ASB18: variants seen among roughly 807,000 people sequenced by gnomAD.
ASB18 encodes ankyrin repeat and SOCS box containing 18, also known as ankyrin repeat and SOCS box protein 18.
Under a neutral mutation model 33.4 loss-of-function variants are expected in ASB18, and 33 were observed. That is an observed-to-expected ratio of 0.99 (90% CI 0.75 to 1.32). The LOEUF (loss-of-function observed/expected upper bound fraction) is 1.32, where lower values mean the gene tolerates loss of function less well. ASB18 is among the 40% of genes most tolerant of loss of function. The probability of loss-of-function intolerance (pLI) is 0.00; values close to 1 mark genes in which losing one functional copy is unlikely to be tolerated. For missense variants in ASB18, 694 were observed against 655.5 expected (o/e 1.06, Z -0.64); for synonymous variants, 295 against 307.6 (o/e 0.96, Z 0.43).
Position 236,264,308 on chromosome 2 carries a change from T to G in ASB18, c.38A>C (p.Asn13Thr). The change falls in exon 1 of 6, where the codon AAC becomes ACC. Residue 13 changes from asparagine to threonine, a missense_variant. Asn to Thr is a moderately conservative substitution (Grantham distance 65). Transcript: ENST00000409749. This position sits in a 1 kb window ranked among gnomAD's most constrained non-coding sequence, Gnocchi z 5.1. ...CTTTAATCTCTTCACTAAATCTGAG[T>G]TGAGTGGGTAGTCGGGAAGGTAATC... ...NSDYLPDYPLNSDLVKRLKSA... is the reference protein window; with the variant it reads ...NSDYLPDYPLTSDLVKRLKSA... The G allele has an allele frequency of 6.2e-7, 1 of 1,613,960 alleles. No individual in the cohort carries two copies. Among genetic ancestry groups the G allele is most frequent in the Non-Finnish European group, 8.5e-7 (1 of 1,179,878 alleles).
In ASB18 at chr2:236,241,657, C is replaced by T. The variant is rs576759326; in HGVS notation, c.206-255G>A. On this transcript the variant is annotated intron_variant, in intron 1 of 5. Transcript: ENST00000409749. This position sits in a 1 kb window ranked among gnomAD's most constrained non-coding sequence, Gnocchi z 4.2. ...GTGGTATATTTATAACTCCTGTGGGCTCCGATGTGATAATGGTTACTTGAT... is the reference window on the plus strand; with the variant it reads ...GTGGTATATTTATAACTCCTGTGGGTTCCGATGTGATAATGGTTACTTGAT... 1.6e-6 allele frequency: 1 copy of T among 617,844 alleles called. No homozygotes were observed. The highest frequency in any genetic ancestry group is 2.7e-5 in the East Asian group (1 of 36,634). 38.3% of individuals were successfully genotyped at this position (617,844 alleles called of 1,614,324 possible).
chr2:236,200,123 G>T lies in ASB18; in HGVS notation c.1102-3738C>A, dbSNP rs2060393291. Among the ~76,000 whole-genome samples the T allele has an allele frequency of 6.6e-6, 1 of 152,120 alleles. No homozygotes were observed. The highest frequency in any genetic ancestry group is 1.5e-5 in the Non-Finnish European group (1 of 68,036). ...GCATTTTGGGAGGCCGAGGTGGGTGGATCACCTGAGGTCAGGAGTTCGATA... is the reference window on the plus strand; with the variant it reads ...GCATTTTGGGAGGCCGAGGTGGGTGTATCACCTGAGGTCAGGAGTTCGATA... On this transcript the variant is annotated intron_variant, in intron 4 of 5. Coordinates refer to ENST00000409749, the MANE Select transcript of ASB18 (RefSeq NM_212556.4). The surrounding 1 kb of genome is among the most constrained non-coding windows in gnomAD (Gnocchi z 4.2).
At position 236,223,476 on chromosome 2, in the gene ASB18, G is replaced by A. The variant is rs1048852008; in HGVS notation, c.597-8610C>T. Among the ~76,000 whole-genome samples, 11 of 152,162 alleles carry A rather than the reference G, an allele frequency of 7.2e-5. No individual in the cohort carries two copies. Among genetic ancestry groups the A allele is most frequent in the Admixed American group, 1.3e-4 (2 of 15,278 alleles). Reference sequence around the variant, plus strand: ...TCTTAGACAGGGATAGGGGTGAGGTGGGGGGAGCTTTAAACTGGATGAGAG... The same window carrying A: ...TCTTAGACAGGGATAGGGGTGAGGTAGGGGGAGCTTTAAACTGGATGAGAG... On this transcript the variant is annotated intron_variant, in intron 3 of 5. Transcript: ENST00000409749. The surrounding 1 kb of genome is among the most constrained non-coding windows in gnomAD (Gnocchi z 4.6).
intron 4 of ASB18, among the ~76,000 whole-genome samples, chr2:236,199,075 A>ATGTAATT (rs948165486): frequency 6.6e-6 from 1 of 152,170 alleles, no homozygotes; most frequent in African/African-American, 2.4e-5. Context: ...AAAGTTTAAG[A>ATGTAATT]TGTAATTTCA....
In ASB18 at chr2:236,238,093, T is replaced by A; in HGVS notation, c.329-137A>T. 1 of 621,584 alleles carries A rather than the reference T, an allele frequency of 1.6e-6. No homozygotes were observed. The highest frequency in any genetic ancestry group is 2.4e-6 in the Non-Finnish European group (1 of 408,362). The allele number at this position is 621,584 out of a possible 1,614,324, so 38.5% of individuals were successfully genotyped here. A position where few individuals can be genotyped will look rare whatever the true frequency, so the allele number is the denominator to read the frequency against. ...AGGTAGGCATGTAGGGAGAAGAGGATAGAATCAGAGACGCACACAGAGACA... is the reference window on the plus strand; with the variant it reads ...AGGTAGGCATGTAGGGAGAAGAGGAAAGAATCAGAGACGCACACAGAGACA... On this transcript the variant is annotated intron_variant, in intron 2 of 5. Coordinates refer to ENST00000409749, the MANE Select transcript of ASB18 (RefSeq NM_212556.4). This position sits in a 1 kb window ranked among gnomAD's most constrained non-coding sequence, Gnocchi z 5.2.
chr2:236,216,981 C>T lies in ASB18; in HGVS notation c.597-2115G>A, dbSNP rs1288421770. Among the ~76,000 whole-genome samples the T allele has an allele frequency of 2.6e-5, 4 of 152,190 alleles. No individual in the cohort carries two copies. Among genetic ancestry groups the T allele is most frequent in the Non-Finnish European group, 2.9e-5 (2 of 68,034 alleles). On this transcript the variant is annotated intron_variant, in intron 3 of 5. Transcript: ENST00000409749. This position sits in a 1 kb window ranked among gnomAD's most constrained non-coding sequence, Gnocchi z 6.1. ...GCTCCTTCCAGGTTGCCCCGCTGCA[C>T]GTGATGGCCCACACAGTCCCATCTT...
At chr2:236,233,012 C>G (rs886203974) in intron 3 of ASB18, among the ~76,000 whole-genome samples, 3 of 152,038 alleles carry the variant, frequency 2.0e-5, no homozygotes, top group African/African-American at 7.2e-5. Context: ...AGACCAATAT[C>G]TTTCATTAAC....
Position 236,264,388 on chromosome 2 carries a change from C to A in ASB18, c.-43G>T. 1 of 1,545,754 alleles carries A rather than the reference C, an allele frequency of 6.5e-7. No individual in the cohort carries two copies. Among genetic ancestry groups the A allele is most frequent in the Non-Finnish European group, 8.9e-7 (1 of 1,118,924 alleles). ...AGTGACCAGCCCTTCTTTTCTTCCT[C>A]TAAAGCGACTCCAAAGTCAGCAGCT... is the stretch of plus-strand genomic sequence containing the variant. On this transcript the variant is annotated 5_prime_UTR_variant, in exon 1 of 6. Coordinates refer to ENST00000409749, the MANE Select transcript of ASB18 (RefSeq NM_212556.4). The surrounding 1 kb of genome is among the most constrained non-coding windows in gnomAD (Gnocchi z 5.1).
intron 4 of ASB18, among the ~76,000 whole-genome samples, chr2:236,207,787 G>T (rs1420260358): frequency 6.6e-6 from 1 of 151,536 alleles, no homozygotes; most frequent in Non-Finnish European, 1.5e-5. Context: ...ACTTTACTGT[G>T]GCTTCACAGG....
In ASB18 at chr2:236,214,971, A is replaced by G. The variant is rs557315937; in HGVS notation, c.597-105T>C. 8.2e-4 allele frequency: 734 copies of G among 898,886 alleles called. No homozygotes were observed. In the Middle Eastern group the frequency reaches 8.4e-3, roughly 10 times the overall value. The allele number at this position is 898,886 out of a possible 1,614,324, so 55.7% of individuals were successfully genotyped here. ...TATCAAGTGACCTCTGAATGAAAAG[A>G]CATGCTCCGCTCTCCCATACCAAGG... On this transcript the variant is annotated intron_variant, in intron 3 of 5. Coordinates refer to ENST00000409749, the MANE Select transcript of ASB18 (RefSeq NM_212556.4). This position sits in a 1 kb window ranked among gnomAD's most constrained non-coding sequence, Gnocchi z 6.5.
Position 236,257,572 on chromosome 2 carries a change from G to A in ASB18, c.205+6569C>T, listed in dbSNP as rs60803213. Among the ~76,000 whole-genome samples, 838 of 152,296 alleles carry A rather than the reference G, an allele frequency of 5.5e-3. 5 individuals carry two copies. The highest frequency in any genetic ancestry group is 0.019 in the African/African-American group (782 of 41,556). On this transcript the variant is annotated intron_variant, in intron 1 of 5. Coordinates refer to ENST00000409749, the MANE Select transcript of ASB18 (RefSeq NM_212556.4). This position sits in a 1 kb window ranked among gnomAD's most constrained non-coding sequence, Gnocchi z 5.5. ...TGCGTGTGTACATATGCATATGTAT[G>A]CTTCATGTCAGATTAAAGGGTTGTA...
rs2106265245 is a variant in ASB18 at position 236,205,962 on chromosome 2, TG to T, written c.1101+8399del. Among the ~76,000 whole-genome samples, 1 of 152,346 alleles carries T rather than the reference TG, an allele frequency of 6.6e-6. No individual in the cohort carries two copies. Among genetic ancestry groups the T allele is most frequent in the African/African-American group, 2.4e-5 (1 of 41,590 alleles). On this transcript the variant is annotated intron_variant, in intron 4 of 5. Coordinates refer to ENST00000409749, the MANE Select transcript of ASB18 (RefSeq NM_212556.4). The surrounding 1 kb of genome is among the most constrained non-coding windows in gnomAD (Gnocchi z 5.4). Reference sequence around the variant, plus strand: ...TTTCCATGTCTTTTTAGAACATTTTTGTTAGAATGTATATAGGTATGTGCCT... The same window carrying T: ...TTTCCATGTCTTTTTAGAACATTTTTTTAGAATGTATATAGGTATGTGCCT...
intron 4 of ASB18, among the ~76,000 whole-genome samples, chr2:236,202,777 C>CAAAAAAAAAAAAAA (rs34973734): frequency 1.0e-4 from 7 of 68,728 alleles, no homozygotes; most frequent in African/African-American, 2.8e-4. Context: ...GACTCCGTCT[C>CAAAAAAAAAAAAAA]AAAAAAAAAA....
In ASB18 at chr2:236,196,354, A is replaced by G; in HGVS notation, c.1133T>C (p.Val378Ala). 1 of 1,567,398 alleles carries G rather than the reference A, an allele frequency of 6.4e-7. No individual in the cohort carries two copies. The highest frequency in any genetic ancestry group is 8.7e-7 in the Non-Finnish European group (1 of 1,155,546). Residue 378 changes from valine (V) to alanine (A), a missense_variant, in exon 5 of 6, where the codon GTC becomes GCC. Coordinates refer to ENST00000409749, the MANE Select transcript of ASB18 (RefSeq NM_212556.4). The surrounding 1 kb of genome is among the most constrained non-coding windows in gnomAD (Gnocchi z 5.6). ...VLKTCASVPA[V>A]IEVLFNSYPQ... ...GTAGGAGTTGAAAAGCACCTCGATG[A>G]CTGCGGGGACAGATGCACAGGTCTT...
chr2:236,250,870 TC>T lies in ASB18; in HGVS notation c.206-9469del, dbSNP rs1343626768. The T allele has an allele frequency of 2.0e-5, 3 of 152,220 alleles. No homozygotes were observed. The East Asian group carries it at 5.8e-4, about 29-fold the overall frequency. The allele number at this position is 152,220 out of a possible 1,614,324, so 9.4% of individuals were successfully genotyped here. On this transcript the variant is annotated intron_variant, in intron 1 of 5. Transcript: ENST00000409749. The surrounding 1 kb of genome is among the most constrained non-coding windows in gnomAD (Gnocchi z 4.1). ...CATTAATATCAAAAATGTTAAAGTA[TC>T]TCAACCTCCTCTCTGAATAACAATG...
rs533409281 is a variant in ASB18 at position 236,215,565 on chromosome 2, A to G, written c.597-699T>C. ...TGGGAGCCTGCGGTCTTCCCCAGAG[A>G]CGAGTGTCTTCCTTCTGCTGCCTCC... On this transcript the variant is annotated intron_variant, in intron 3 of 5. Coordinates refer to ENST00000409749, the MANE Select transcript of ASB18 (RefSeq NM_212556.4). This position sits in a 1 kb window ranked among gnomAD's most constrained non-coding sequence, Gnocchi z 7.2. 7.2e-5 allele frequency among the ~76,000 whole-genome samples: 11 copies of G among 152,140 alleles called. No homozygotes were observed. Among genetic ancestry groups the G allele is most frequent in the African/African-American group, 2.7e-4 (11 of 41,494 alleles).
At chr2:236,242,874 G>A (rs891613570) in intron 1 of ASB18, among the ~76,000 whole-genome samples, 2 of 150,402 alleles carry the variant, frequency 1.3e-5, no homozygotes, top group Admixed American at 6.6e-5. Context: ...AAAAAAATTA[G>A]CTGGGCATGG....
In ASB18 at chr2:236,251,712, A is replaced by G. The variant is rs901115737; in HGVS notation, c.206-10310T>C. 1.3e-5 allele frequency among the ~76,000 whole-genome samples: 2 copies of G among 152,238 alleles called. No individual in the cohort carries two copies. Among genetic ancestry groups the G allele is most frequent in the African/African-American group, 4.8e-5 (2 of 41,464 alleles). On this transcript the variant is annotated intron_variant, in intron 1 of 5. Transcript: ENST00000409749. This position sits in a 1 kb window ranked among gnomAD's most constrained non-coding sequence, Gnocchi z 5.3. ...CAACGGAAAAACAGGAAAAAAAATGATAAGAACTGTAAGTGACTGCTGAAA... is the reference window on the plus strand; with the variant it reads ...CAACGGAAAAACAGGAAAAAAAATGGTAAGAACTGTAAGTGACTGCTGAAA...
rs2060366876 is a variant in ASB18, at chr2:236,195,362, C to CG, written c.1216-306dup. On this transcript the variant is annotated intron_variant, in intron 5 of 5. Transcript: ENST00000409749. The surrounding 1 kb of genome is among the most constrained non-coding windows in gnomAD (Gnocchi z 5.5). ...TCTTTGCACAGCAGCCCTACAGCTC[C>CG]GGGGTGGCCCTGTTCATCTCCCCAA... 6.6e-6 allele frequency among the ~76,000 whole-genome samples: 1 copy of CG among 152,082 alleles called. No individual in the cohort carries two copies. The highest frequency in any genetic ancestry group is 1.5e-5 in the Non-Finnish European group (1 of 68,006).
Sources: gnomAD v4.1 joint callset for allele counts (sites outside exome capture counted in the v4.1 genomes callset) on GRCh38, gnomAD v4.1.1 for gene constraint, Gnocchi (gnomAD v3.1) non-coding constraint, MANE v1.5 for transcripts, NCBI Gene and HGNC (gene_info 2026-07-23, HGNC 2026-07-21) for gene names.